The following DOCK4 variants were observed in gnomAD, a reference collection of about 807,000 sequenced individuals.
DOCK4 encodes dedicator of cytokinesis protein 4.
Under a neutral mutation model 268.1 loss-of-function variants are expected in DOCK4, and 97 were observed. The ratio of observed to expected loss-of-function variants is 0.36; its 90% CI spans 0.31 to 0.43. DOCK4 has a LOEUF of 0.43. DOCK4 is among the 20% of genes least tolerant of loss of function. The pLI, the probability that DOCK4 is intolerant of heterozygous loss-of-function variation, is 1.00. For synonymous variants in DOCK4, 954 were observed against 887.2 expected, an observed-to-expected ratio of 1.08 and a Z score of -1.34; for missense variants, 2,145 against 2,455.7, an observed-to-expected ratio of 0.87 and a Z score of 2.67.
rs1013016381 is a variant in DOCK4 at position 111,736,825 on chromosome 7, C to G, written c.5305+92G>C. The G allele has an allele frequency of 3.4e-6, 4 of 1,167,322 alleles. No individual in the cohort carries two copies. The African/African-American group carries it at 6.1e-5, about 18-fold the overall frequency. 72.3% of individuals were successfully genotyped at this position (1,167,322 alleles called of 1,614,324 possible). A position where few individuals can be genotyped will look rare whatever the true frequency, so the allele number is the denominator to read the frequency against. ...TCCTGATCATTAAAGAGCTAGAGCA[C>G]TGCTTTCCACACAGACACACAGAAG... On this transcript the variant is annotated intron_variant, in intron 50 of 52. Transcript: ENST00000428084.
At chr7:111,817,487 G>A (rs1033084829) in intron 27 of DOCK4, among the ~76,000 whole-genome samples, 16 of 152,184 alleles carry the variant, frequency 1.1e-4, no homozygotes, top group Middle Eastern at 3.4e-3. Context: ...CTCTAAGTGC[G>A]GGAAGCTTCC....
chr7:112,102,885 A>G (rs1346591523), intron 1 of DOCK4, among the ~76,000 whole-genome samples: 1 of 152,270 alleles, frequency 6.6e-6, no homozygotes, highest in East Asian at 1.9e-4. Flanking sequence ...TAAGTATTCT[A>G]AACACTTTGT....
chr7:112,063,116 C>A (rs1018782534), intron 1 of DOCK4, among the ~76,000 whole-genome samples: 1 of 152,188 alleles, frequency 6.6e-6, no homozygotes, highest in Admixed American at 6.5e-5. Context: ...CACAGAATCT[C>A]CCAGTTTAAA....
At chr7:111,906,229 A>G (rs1791555564) in intron 13 of DOCK4, among the ~76,000 whole-genome samples, 1 of 152,164 alleles carries the variant, frequency 6.6e-6, no homozygotes, top group Non-Finnish European at 1.5e-5. Flanking sequence ...GTTTTGAAAT[A>G]CTGATTACAG....
At chr7:111,858,024 G>A (rs1453134186) in intron 23 of DOCK4, among the ~76,000 whole-genome samples, 3 of 152,130 alleles carry the variant, frequency 2.0e-5, no homozygotes, top group African/African-American at 7.2e-5. Flanking sequence ...GTGTCCTTTA[G>A]GTTTGGTCAG....
Position 111,861,745 on chromosome 7 carries a change from CAAAA to C in DOCK4, c.2473+1623_2473+1626del, listed in dbSNP as rs35987323. Among the ~76,000 whole-genome samples, 1,072 of 114,634 alleles carry C rather than the reference CAAAA, an allele frequency of 9.4e-3. 18 individuals are homozygous for C. Among genetic ancestry groups the C allele is most frequent in the African/African-American group, 0.027 (920 of 33,512 alleles). The allele number at this position is 114,634 out of a possible 152,430, so 75.2% of individuals were successfully genotyped here. ...TGGGTGGCTGAGCAAGACTCAGTCT[CAAAA>C]AAAAAAAAAAATAATAATAATAATA... On this transcript the variant is annotated intron_variant, in intron 23 of 52. Transcript: ENST00000428084.
chr7:111,786,094 C>CT (rs1404456301), intron 32 of DOCK4, among the ~76,000 whole-genome samples: 1 of 152,184 alleles, frequency 6.6e-6, no homozygotes, highest in Non-Finnish European at 1.5e-5. Flanking sequence ...GGTATGGTGT[C>CT]ACATAGTGAA....
intron 16 of DOCK4, among the ~76,000 whole-genome samples, chr7:111,889,047 T>C (rs1382758546): frequency 6.6e-6 from 1 of 152,144 alleles, no homozygotes; most frequent in Non-Finnish European, 1.5e-5. Context: ...TATGAACTGG[T>C]TAGCATTGAA....
At chr7:111,836,249 A>G (rs1803231303) in intron 25 of DOCK4, among the ~76,000 whole-genome samples, 1 of 151,910 alleles carries the variant, frequency 6.6e-6, no homozygotes, top group African/African-American at 2.4e-5. Context: ...CTCACAATTA[A>G]TAAGGCATTA....
intron 13 of DOCK4, among the ~76,000 whole-genome samples, chr7:111,909,685 C>A (rs945394943): frequency 6.6e-6 from 1 of 152,178 alleles, no homozygotes; most frequent in Non-Finnish European, 1.5e-5. Context: ...AGGGGATGGG[C>A]ATGGTGGCCC....
chr7:112,034,287 C>T (rs1803542258), intron 1 of DOCK4, among the ~76,000 whole-genome samples: 2 of 152,262 alleles, frequency 1.3e-5, no homozygotes, highest in South Asian at 2.1e-4. Flanking sequence ...GAAAATGACA[C>T]TATACGCTAT....
At chr7:111,920,504 G>A (rs1021112761) in intron 12 of DOCK4, among the ~76,000 whole-genome samples, 4 of 152,156 alleles carry the variant, frequency 2.6e-5, no homozygotes, top group Admixed American at 1.3e-4. Context: ...TCAGGGTTAT[G>A]ACACAGGGCA....
intron 37 of DOCK4, among the ~76,000 whole-genome samples, chr7:111,767,385 C>T (rs556426447): frequency 6.6e-6 from 1 of 152,084 alleles, no homozygotes; most frequent in East Asian, 1.9e-4. Flanking sequence ...CACCACCACA[C>T]CCAGCTAATT....
intron 30 of DOCK4, among the ~76,000 whole-genome samples, chr7:111,799,262 T>G (rs1800103666): frequency 6.6e-6 from 1 of 152,236 alleles, no homozygotes; most frequent in African/African-American, 2.4e-5. Flanking sequence ...CACCAAGCTT[T>G]TCACTTGGGA....
chr7:112,077,022 T>C (rs951122812), intron 1 of DOCK4, among the ~76,000 whole-genome samples: 1 of 152,100 alleles, frequency 6.6e-6, no homozygotes, highest in African/African-American at 2.4e-5. Context: ...TTTGATTTTA[T>C]TCAGTATAAA....
chr7:111,799,431 G>A (rs117057238), intron 30 of DOCK4, among the ~76,000 whole-genome samples: 6,452 of 152,218 alleles, frequency 0.042, 171 homozygotes, highest in Middle Eastern at 0.068. Flanking sequence ...AAGACATTTA[G>A]TATTAGCAAA....
chr7:111,775,782 G>T (rs1356530495), intron 36 of DOCK4, among the ~76,000 whole-genome samples: 1 of 152,192 alleles, frequency 6.6e-6, no homozygotes, highest in Admixed American at 6.5e-5. Context: ...AGTGGCAATA[G>T]TGCCTTCTAT....
Position 111,808,888 on chromosome 7 carries a change from GAACA to G in DOCK4, c.3108-13_3108-10del, listed in dbSNP as rs1436874443. On this transcript the variant is annotated splice_polypyrimidine_tract_variant and intron_variant, in intron 29 of 52. Transcript: ENST00000428084. ...CCCGCATGTCACCATACCTGAAATA[GAACA>G]AAAAACCAAACCTGATACAATGCCT... The G allele has an allele frequency of 6.2e-7, 1 of 1,611,944 alleles. No homozygotes were observed. The highest frequency in any genetic ancestry group is 2.2e-5 in the East Asian group (1 of 44,794).
rs181220597 is a variant in DOCK4, at chr7:111,741,660, T to A, written c.4799A>T (p.Glu1600Val). 126 of 1,612,060 alleles carry A rather than the reference T, an allele frequency of 7.8e-5. No homozygotes were observed. The highest frequency in any genetic ancestry group is 1.3e-4 in the Admixed American group (8 of 59,600). ...FVMKSSLGIQ[E>V]FSACMQASPV... ...ACTGGCTTGCATACAAGCAGAGAAC[T>A]CCTAAAGATGTAGTAAAGGAAATAT... is the stretch of plus-strand genomic sequence containing the variant. The change falls in exon 46 of 53, where the codon GAG becomes GTG. Residue 1600 changes from glutamate to valine, a missense_variant and splice_region_variant. Glu to Val is a moderately radical substitution (Grantham distance 121, BLOSUM62 -2). Coordinates refer to ENST00000428084, the MANE Select transcript of DOCK4 (RefSeq NM_001363540.2).
Sources: gnomAD v4.1 joint callset for allele counts (sites outside exome capture counted in the v4.1 genomes callset) on GRCh38, gnomAD v4.1.1 for gene constraint, MANE v1.5 for transcripts, NCBI Gene and HGNC (gene_info 2026-07-23, HGNC 2026-07-21) for gene names.